The following PLPPR5 variants were observed in gnomAD, a reference collection of about 807,000 sequenced individuals.
PLPPR5 encodes phospholipid phosphatase related 5, also known as phospholipid phosphatase-related protein type 5.
In PLPPR5, 16 loss-of-function variants were observed where a neutral mutation model predicts 33.9. The observed-to-expected ratio is 0.47, with a 90% CI of 0.32 to 0.72. The LOEUF (loss-of-function observed/expected upper bound fraction) is 0.72. PLPPR5 is among the 30% of genes least tolerant of loss of function. PLPPR5 has a pLI of 0.03. For synonymous variants in PLPPR5, 163 were observed against 150.3 expected, an observed-to-expected ratio of 1.08 and a Z score of -0.62; for missense variants, 301 against 406.7, an observed-to-expected ratio of 0.74 and a Z score of 2.23.
chr1:98,980,750 T>C (rs1336852848), intron 1 of PLPPR5, among the ~76,000 whole-genome samples: 1 of 152,082 alleles, frequency 6.6e-6, no homozygotes, highest in African/African-American at 2.4e-5. Flanking sequence ...ACACCTGTTA[T>C]GCAATTTAGA....
intron 1 of PLPPR5, among the ~76,000 whole-genome samples, chr1:98,976,929 GAT>G (rs1189985061): frequency 6.6e-6 from 1 of 151,954 alleles, no homozygotes; most frequent in Admixed American, 6.6e-5. Context: ...CATAGCAGCA[GAT>G]AATTGCTCCA....
At chr1:98,942,023 C>CAT (rs1362013314) in intron 3 of PLPPR5, among the ~76,000 whole-genome samples, 25 of 148,632 alleles carry the variant, frequency 1.7e-4, no homozygotes, top group South Asian at 1.3e-3. Context: ...TATACGTATA[C>CAT]ATATATATAT....
chr1:98,931,366 G>T (rs77819586), intron 3 of PLPPR5, among the ~76,000 whole-genome samples: 1,676 of 152,112 alleles, frequency 0.011, 18 homozygotes, highest in Middle Eastern at 0.044. Flanking sequence ...ACTCAATCAG[G>T]TAATCCAAAC....
In PLPPR5 at chr1:98,949,091, G is replaced by A. The variant is rs181549033; in HGVS notation, c.621+3979C>T. 2.5e-3 allele frequency among the ~76,000 whole-genome samples: 381 copies of A among 152,042 alleles called. 1 individual carries two copies. Among genetic ancestry groups the A allele is most frequent in the African/African-American group, 8.5e-3 (351 of 41,450 alleles). On this transcript the variant is annotated intron_variant, in intron 3 of 5. Transcript: ENST00000263177. ...TCATTCTCAACCTTGAAGTTCATTTGCTTTTAATTGAAAAAAACTTTACCC... is the reference window on the plus strand; with the variant it reads ...TCATTCTCAACCTTGAAGTTCATTTACTTTTAATTGAAAAAAACTTTACCC...
At chr1:98,997,292 T>G (rs2100765740) in intron 1 of PLPPR5, among the ~76,000 whole-genome samples, 1 of 152,274 alleles carries the variant, frequency 6.6e-6, no homozygotes, top group Non-Finnish European at 1.5e-5. Context: ...GTGTCTGAAC[T>G]TCCGAAGGGC....
At chr1:98,966,255 G>A (rs1246928281) in intron 1 of PLPPR5, among the ~76,000 whole-genome samples, 2 of 152,096 alleles carry the variant, frequency 1.3e-5, no homozygotes, top group Non-Finnish European at 2.9e-5. Context: ...TAATTTGTTA[G>A]TAAAGTGAAC....
intron 3 of PLPPR5, among the ~76,000 whole-genome samples, chr1:98,936,812 A>G (rs1650182304): frequency 6.6e-6 from 1 of 152,226 alleles, no homozygotes. Context: ...ATCAGAATAC[A>G]TTGAGACAAT....
chr1:98,897,249 A>G (rs1648514954), intron 5 of PLPPR5, among the ~76,000 whole-genome samples: 2 of 151,888 alleles, frequency 1.3e-5, no homozygotes, highest in African/African-American at 2.4e-5. Context: ...TCCAGCGCAC[A>G]TACGTTTATT....
At chr1:98,975,143 G>A (rs748634788) in intron 1 of PLPPR5, among the ~76,000 whole-genome samples, 144 of 152,080 alleles carry the variant, frequency 9.5e-4, no homozygotes, top group Non-Finnish European at 1.7e-3. Context: ...CCAGAGAATC[G>A]TCAGGAGAGT....
intron 1 of PLPPR5, among the ~76,000 whole-genome samples, chr1:98,965,892 T>C (rs143994497): frequency 2.5e-4 from 38 of 152,322 alleles, no homozygotes; most frequent in Middle Eastern, 3.4e-3. Flanking sequence ...ATCAGTGTGA[T>C]AGTATTTGGC....
chr1:98,982,976 G>A (rs867470985), intron 1 of PLPPR5, among the ~76,000 whole-genome samples: 5 of 152,192 alleles, frequency 3.3e-5, no homozygotes, highest in South Asian at 2.1e-4. Flanking sequence ...GCGAGAGAGC[G>A]CATAACCTTT....
At chr1:98,974,520 T>C (rs565013260) in intron 1 of PLPPR5, among the ~76,000 whole-genome samples, 2 of 152,148 alleles carry the variant, frequency 1.3e-5, no homozygotes, top group East Asian at 1.9e-4. Context: ...AACTCTGAAA[T>C]GGATCACAGG....
In PLPPR5 at chr1:99,004,688, G is replaced by C. The variant is rs1189656405; in HGVS notation, c.-17C>G. 6 of 1,541,428 alleles carry C rather than the reference G, an allele frequency of 3.9e-6. No individual in the cohort carries two copies. The highest frequency in any genetic ancestry group is 3.4e-4 in the Middle Eastern group (2 of 5,846). On this transcript the variant is annotated 5_prime_UTR_variant, in exon 1 of 6. Transcript: ENST00000263177. Reference sequence around the variant, plus strand: ...CAGGGGCATGCACGCCTCCCGGGCCGGGCCGAGCCGAGCCGAGCGGGCGGT... The same window carrying C: ...CAGGGGCATGCACGCCTCCCGGGCCCGGCCGAGCCGAGCCGAGCGGGCGGT...
chr1:98,997,758 C>T (rs566359966), intron 1 of PLPPR5, among the ~76,000 whole-genome samples: 132 of 152,352 alleles, frequency 8.7e-4, no homozygotes, highest in Non-Finnish European at 1.6e-3. Context: ...CAGGTAGCTA[C>T]ATAACCCATG....
At chr1:98,948,440 G>A (rs1424777312) in intron 3 of PLPPR5, among the ~76,000 whole-genome samples, 5 of 152,226 alleles carry the variant, frequency 3.3e-5, no homozygotes, top group South Asian at 2.1e-4. Context: ...GGGATAAATC[G>A]TTTAATGCCA....
intron 5 of PLPPR5, among the ~76,000 whole-genome samples, chr1:98,896,854 G>A (rs1431024471): frequency 1.3e-5 from 2 of 151,842 alleles, no homozygotes; most frequent in Admixed American, 6.6e-5. Flanking sequence ...AAAAAAAAAT[G>A]TTAATTAAGA....
In PLPPR5 at chr1:99,004,720, G is replaced by A. The variant is rs1441911164; in HGVS notation, c.-49C>T. 4 of 1,291,926 alleles carry A rather than the reference G, an allele frequency of 3.1e-6. No homozygotes were observed. Among genetic ancestry groups the A allele is most frequent in the Admixed American group, 3.0e-5 (1 of 32,962 alleles). 80.0% of individuals were successfully genotyped at this position (1,291,926 alleles called of 1,614,324 possible). On this transcript the variant is annotated 5_prime_UTR_variant, in exon 1 of 6. Transcript: ENST00000263177. Reference sequence around the variant, plus strand: ...GCCGAGCCGAGCGGGCGGTCGACGCGGTGGGCCCCCTCCCCGGTCCGCCGA... The same window carrying A: ...GCCGAGCCGAGCGGGCGGTCGACGCAGTGGGCCCCCTCCCCGGTCCGCCGA...
intron 3 of PLPPR5, among the ~76,000 whole-genome samples, chr1:98,924,846 G>A (rs1649696721): frequency 6.6e-6 from 1 of 152,206 alleles, no homozygotes; most frequent in Non-Finnish European, 1.5e-5. Context: ...CCTGGTATTT[G>A]GCTTTTCCCT....
chr1:98,965,819 T>C (rs1178606329), intron 1 of PLPPR5, among the ~76,000 whole-genome samples: 2 of 152,226 alleles, frequency 1.3e-5, no homozygotes, highest in Non-Finnish European at 2.9e-5. Context: ...CCATGCATCA[T>C]TGATTTGAAA....
Sources: gnomAD v4.1 joint callset for allele counts (sites outside exome capture counted in the v4.1 genomes callset) on GRCh38, gnomAD v4.1.1 for gene constraint, MANE v1.5 for transcripts, NCBI Gene and HGNC (gene_info 2026-07-23, HGNC 2026-07-21) for gene names.